UBE2J2: variants seen among roughly 807,000 people sequenced by gnomAD.
UBE2J2 encodes ubiquitin conjugating enzyme E2 J2.
UBE2J2 carries 5 observed loss-of-function variants against 28.6 expected under a neutral mutation model. The observed-to-expected ratio is 0.17, with a 90% CI of 0.09 to 0.37. The LOEUF is 0.37. UBE2J2 is among the 10% of genes least tolerant of loss of function. The pLI is 1.00. For missense variants in UBE2J2, 226 were observed against 338.9 expected, an observed-to-expected ratio of 0.67 and a Z score of 2.62; for synonymous variants, 138 against 139.7, an observed-to-expected ratio of 0.99 and a Z score of 0.09.
intron 3 of UBE2J2, chr1:1,263,137 G>A: frequency 1.8e-6 from 1 of 561,582 alleles, no homozygotes; most frequent in East Asian, 2.9e-5. Context: ...GACGCTACAG[G>A]CGGCCCTGCA....
At chr1:1,263,590 A>C (rs1639681312) in intron 2 of UBE2J2, 1 of 539,466 alleles carries the variant, frequency 1.9e-6, no homozygotes, top group African/African-American at 1.9e-5. Flanking sequence ...CTCTTGTAAC[A>C]GGATCTTAGA....
chr1:1,271,273 T>C (rs533490166), intron 1 of UBE2J2, among the ~76,000 whole-genome samples: 1 of 152,324 alleles, frequency 6.6e-6, no homozygotes, highest in South Asian at 2.1e-4. Context: ...GGCCAACACC[T>C]GGTGATGGCC....
At chr1:1,273,366 C>T (rs1640262970) in intron 1 of UBE2J2, 2 of 152,256 alleles carry the variant, frequency 1.3e-5, no homozygotes, top group Non-Finnish European at 2.9e-5. Flanking sequence ...TCCCGTGATC[C>T]ACTGACGAAC....
At chr1:1,257,575 A>C (rs1171476971) in intron 3 of UBE2J2, among the ~76,000 whole-genome samples, 2 of 108,802 alleles carry the variant, frequency 1.8e-5, no homozygotes, top group South Asian at 3.2e-4. Flanking sequence ...CCAGACCCCC[A>C]CTGCCCCGGG....
intron 5 of UBE2J2, among the ~76,000 whole-genome samples, chr1:1,256,664 C>T (rs1274766304): frequency 2.0e-5 from 3 of 151,938 alleles, no homozygotes; most frequent in Non-Finnish European, 2.9e-5. Flanking sequence ...GGGCGGATCA[C>T]GAGGTCAGGA....
intron 3 of UBE2J2, among the ~76,000 whole-genome samples, chr1:1,257,732 G>GC: frequency 6.6e-6 from 1 of 151,824 alleles, no homozygotes; most frequent in South Asian, 2.1e-4. Context: ...AGCTGAGGCC[G>GC]CCCCTCTCAG....
chr1:1,266,136 A>C, intron 2 of UBE2J2: 1 of 1,303,864 alleles, frequency 7.7e-7, no homozygotes, highest in Non-Finnish European at 1.0e-6. Context: ...GATTTTCAAC[A>C]CTGGGGGCAG....
At chr1:1,263,116 T>TGGTGAACACAGACGCTACAGGC (rs549945459) in intron 3 of UBE2J2, 12,989 of 516,918 alleles carry the variant, frequency 0.025, 871 homozygotes, top group African/African-American at 0.17. Context: ...TGTCAGAGGC[T>TGGTGAACACAGACGCTACAGGC]GGTGAACACA....
Position 1,255,233 on chromosome 1 carries a change from C to T in UBE2J2, c.750G>A (p.Lys250=). Residue 250 remains lysine, a synonymous_variant, in exon 7 of 7, where the codon AAG becomes AAA. Coordinates refer to ENST00000349431, the MANE Select transcript of UBE2J2 (RefSeq NM_058167.3). ...CCTGCGCGATGCTCCTCAGCACGTA[C>T]TTGACCGTGTAAGCAAAGGCTGCAA... ...VGFAAFAYTV[K]YVLRSIAQE 1.2e-6 allele frequency: 2 copies of T among 1,610,896 alleles called. No homozygotes were observed. The highest frequency in any genetic ancestry group is 1.7e-6 in the Non-Finnish European group (2 of 1,178,084).
At chr1:1,265,760 A>AAGTAGCT (rs1639824843) in intron 2 of UBE2J2, among the ~76,000 whole-genome samples, 1 of 151,758 alleles carries the variant, frequency 6.6e-6, no homozygotes, top group Non-Finnish European at 1.5e-5. Flanking sequence ...CCCAAGTAGC[A>AAGTAGCT]AGTAGCTGAG....
intron 5 of UBE2J2, among the ~76,000 whole-genome samples, chr1:1,256,653 C>T (rs939091091): frequency 3.9e-5 from 6 of 152,042 alleles, no homozygotes; most frequent in Non-Finnish European, 5.9e-5. Context: ...GAGGCCCAGG[C>T]GGGCGGATCA....
At position 1,257,346 on chromosome 1, in the gene UBE2J2, C is replaced by T. The variant is rs201415529; in HGVS notation, c.173-36G>A. On this transcript the variant is annotated intron_variant, in intron 3 of 6. Transcript: ENST00000349431. ...ACAAAACAGAAAGGGCCTTGTCGTC[C>T]GCCACAGCAGGGGCTCCTGGAGACC... The T allele has an allele frequency of 9.6e-5, 137 of 1,420,872 alleles. No individual in the cohort carries two copies. The African/African-American group carries it at 1.3e-3, about 13-fold the overall frequency. The allele number at this position is 1,420,872 out of a possible 1,614,324, so 88.0% of individuals were successfully genotyped here.
At chr1:1,258,962 T>G (rs1639376824) in intron 3 of UBE2J2, among the ~76,000 whole-genome samples, 2 of 152,192 alleles carry the variant, frequency 1.3e-5, no homozygotes, top group African/African-American at 4.8e-5. Flanking sequence ...AAGCCAGGAC[T>G]CCCTGGCCAC....
chr1:1,258,648 C>A (rs547120248), intron 3 of UBE2J2, among the ~76,000 whole-genome samples: 1 of 152,236 alleles, frequency 6.6e-6, no homozygotes, highest in Non-Finnish European at 1.5e-5. Flanking sequence ...CACAGCACAG[C>A]GCCCAGACGC....
chr1:1,255,944 G>A, intron 6 of UBE2J2, 101 bp downstream of exon 6: 1 of 867,970 alleles, frequency 1.2e-6, no homozygotes, highest in South Asian at 1.5e-5. Context: ...ATCCCCTGGG[G>A]AGGTCTGCAG....
chr1:1,272,000 A>T (rs1640174671), intron 1 of UBE2J2, among the ~76,000 whole-genome samples: 1 of 147,630 alleles, frequency 6.8e-6, no homozygotes, highest in South Asian at 2.1e-4. Flanking sequence ...AAAAAAAAAA[A>T]AAAATTAGCC....
At chr1:1,261,708 G>A (rs573722396) in intron 3 of UBE2J2, among the ~76,000 whole-genome samples, 1 of 148,838 alleles carries the variant, frequency 6.7e-6, no homozygotes, top group Non-Finnish European at 1.5e-5. Context: ...GTGGAGTGCA[G>A]CGATCTCGGC....
chr1:1,261,970 G>A (rs1242356103), intron 3 of UBE2J2, among the ~76,000 whole-genome samples: 1 of 152,138 alleles, frequency 6.6e-6, no homozygotes, highest in Non-Finnish European at 1.5e-5. Context: ...TGATTCTCCT[G>A]CCTCAGCCTC....
At chr1:1,263,812 G>A (rs530700127) in intron 2 of UBE2J2, among the ~76,000 whole-genome samples, 1 of 150,256 alleles carries the variant, frequency 6.7e-6, no homozygotes, top group Admixed American at 6.8e-5. Flanking sequence ...AGGCAACATA[G>A]CAAGACCCCA....
Sources: allele counts gnomAD v4.1 joint callset (sites outside exome capture counted in the v4.1 genomes callset), GRCh38; gene constraint gnomAD v4.1.1; transcripts MANE v1.5; gene names NCBI Gene and HGNC (gene_info 2026-07-23, HGNC 2026-07-21).